The following UTS2 variants were observed in gnomAD, a reference collection of about 807,000 sequenced individuals.
The protein encoded by UTS2 is urotensin-2.
Under a neutral mutation model 12.6 loss-of-function variants are expected in UTS2, and 10 were observed. That is an observed-to-expected ratio of 0.80 (90% confidence interval 0.49 to 1.35). The LOEUF (loss-of-function observed/expected upper bound fraction) is 1.35. Ranked by LOEUF, UTS2 falls within the 40% of genes most tolerant of loss-of-function variation. The pLI is 0.00. For synonymous variants in UTS2, 52 were observed against 50.0 expected (o/e 1.04, Z -0.17); for missense variants, 142 against 143.2 (o/e 0.99, Z 0.04).
chr1:7,868,789 C>G, the UTS2 span, among the ~76,000 whole-genome samples: 1 of 152,164 alleles, frequency 6.6e-6, no homozygotes, highest in African/African-American at 2.4e-5. Flanking sequence ...GCCCTAGTCC[C>G]CAGTGAGATG....
chr1:7,855,209 AAATT>A (rs780071511), upstream of UTS2, among the ~76,000 whole-genome samples: 2 of 147,832 alleles, frequency 1.4e-5, no homozygotes, highest in East Asian at 1.9e-4. Flanking sequence ...CCATTTTTGT[AAATT>A]AATCAATAGA....
chr1:7,874,990 C>T, the UTS2 span, among the ~76,000 whole-genome samples: 4 of 152,170 alleles, frequency 2.6e-5, no homozygotes, highest in Non-Finnish European at 5.9e-5. Context: ...CCATGCAGAA[C>T]TGTGAGTTAA....
intron 2 of UTS2, among the ~76,000 whole-genome samples, chr1:7,850,329 T>C (rs1264643476): frequency 6.6e-6 from 1 of 152,064 alleles, no homozygotes; most frequent in East Asian, 1.9e-4. Context: ...TGGGGGAATG[T>C]GGCCACGGGG....
chr1:7,873,224 A>T, the UTS2 span, among the ~76,000 whole-genome samples: 1 of 152,248 alleles, frequency 6.6e-6, no homozygotes, highest in Non-Finnish European at 1.5e-5. Flanking sequence ...GTACAAGGAG[A>T]TGACTGTTGT....
upstream of UTS2, among the ~76,000 whole-genome samples, chr1:7,858,109 T>C (rs1254429352): frequency 6.6e-6 from 1 of 152,194 alleles, no homozygotes; most frequent in East Asian, 1.9e-4. Context: ...AGGGGGTACT[T>C]CTGACAGTTA....
chr1:7,883,480 T>C, the UTS2 span, among the ~76,000 whole-genome samples: 1 of 152,202 alleles, frequency 6.6e-6, no homozygotes, highest in African/African-American at 2.4e-5. Flanking sequence ...AATGTAACTA[T>C]GGTTACATTA....
chr1:7,890,450 A>G, the UTS2 span, among the ~76,000 whole-genome samples: 1 of 152,178 alleles, frequency 6.6e-6, no homozygotes, highest in Non-Finnish European at 1.5e-5. Context: ...GAAGCCCTAT[A>G]ATAGGAATGT....
the UTS2 span, among the ~76,000 whole-genome samples, chr1:7,877,812 G>A: frequency 1.3e-5 from 2 of 152,190 alleles, no homozygotes; most frequent in African/African-American, 4.8e-5. Flanking sequence ...GGCAGAGGTT[G>A]TAGTGAGCTG....
intron 3 of UTS2, 140 bp downstream of exon 3, chr1:7,849,500 C>T (rs1425687075): frequency 1.6e-5 from 12 of 742,362 alleles, no homozygotes; most frequent in Non-Finnish European, 1.9e-5. Context: ...CATGAGCTAC[C>T]GCGCCTGGTC....
At chr1:7,854,715 G>A (rs147494083), upstream of UTS2, among the ~76,000 whole-genome samples, 44 of 152,130 alleles carry the variant, frequency 2.9e-4, no homozygotes, top group Middle Eastern at 0.01. Flanking sequence ...TAATAACAAT[G>A]TATAGTTGAA....
At chr1:7,897,625 T>C in the UTS2 span, among the ~76,000 whole-genome samples, 1 of 152,138 alleles carries the variant, frequency 6.6e-6, no homozygotes, top group Non-Finnish European at 1.5e-5. Flanking sequence ...CTCAGCCTGT[T>C]GCCCAGGCTG....
chr1:7,912,281 T>G, the UTS2 span, among the ~76,000 whole-genome samples: 1 of 152,200 alleles, frequency 6.6e-6, no homozygotes. Context: ...ACCTTCTTAA[T>G]GTTGGGACTT....
At chr1:7,873,195 CAA>C in the UTS2 span, among the ~76,000 whole-genome samples, 1 of 152,212 alleles carries the variant, frequency 6.6e-6, no homozygotes, top group Non-Finnish European at 1.5e-5. Context: ...CATGGTCACT[CAA>C]GAGCTCTGAT....
At chr1:7,906,388 T>C in the UTS2 span, among the ~76,000 whole-genome samples, 1 of 145,112 alleles carries the variant, frequency 6.9e-6, no homozygotes, top group Admixed American at 7.1e-5. Context: ...TTATCTCACT[T>C]TATAGCACAG....
chr1:7,855,309 C>T (rs976088278), upstream of UTS2, among the ~76,000 whole-genome samples: 3 of 152,144 alleles, frequency 2.0e-5, no homozygotes, highest in African/African-American at 4.8e-5. Context: ...CCGAGCAAGG[C>T]GCGGTGGCTC....
chr1:7,894,442 G>A, the UTS2 span, among the ~76,000 whole-genome samples: 2 of 151,932 alleles, frequency 1.3e-5, no homozygotes, highest in Non-Finnish European at 2.9e-5. Flanking sequence ...CCAAAGTGCT[G>A]GAATTACAAG....
chr1:7,899,978 C>T, the UTS2 span, among the ~76,000 whole-genome samples: 2 of 152,132 alleles, frequency 1.3e-5, no homozygotes, highest in East Asian at 3.8e-4. Flanking sequence ...AGACAGCAAT[C>T]GCAGAGAGAG....
chr1:7,910,746 A>C, the UTS2 span, among the ~76,000 whole-genome samples: 1 of 152,130 alleles, frequency 6.6e-6, no homozygotes, highest in Non-Finnish European at 1.5e-5. Flanking sequence ...GATTTTTTTC[A>C]GACAGGGACT....
chr1:7,878,758 G>T, the UTS2 span, among the ~76,000 whole-genome samples: 7 of 152,164 alleles, frequency 4.6e-5, no homozygotes, highest in East Asian at 1.4e-3. Flanking sequence ...TGATCCAACT[G>T]CATGATGCCT....
Sources: allele counts gnomAD v4.1 joint callset (sites outside exome capture counted in the v4.1 genomes callset), GRCh38; gene constraint gnomAD v4.1.1; transcripts MANE v1.5; gene names NCBI Gene and HGNC (gene_info 2026-07-23, HGNC 2026-07-21).